Variants in PAG1 observed in about 807,000 individuals in gnomAD.
PAG1 encodes phosphoprotein membrane anchor with glycosphingolipid microdomains 1.
PAG1 carries 23 observed loss-of-function variants against 31.7 expected under a neutral mutation model. The observed-to-expected ratio is 0.73, with a 90% CI of 0.52 to 1.03. The LOEUF (loss-of-function observed/expected upper bound fraction) is 1.03, where lower values mean the gene tolerates loss of function less well. Ranked by LOEUF, PAG1 falls within the 50% of genes least tolerant of loss-of-function variation. PAG1 has a pLI of 0.00. For missense variants in PAG1, 473 were observed against 540.7 expected (o/e 0.87, Z 1.24); for synonymous variants, 214 against 210.3 (o/e 1.02, Z -0.15).
chr8:81,042,945 G>A (rs1307588971), intron 2 of PAG1, among the ~76,000 whole-genome samples: 1 of 152,144 alleles, frequency 6.6e-6, no homozygotes, highest in Non-Finnish European at 1.5e-5. Flanking sequence ...TTCTTATGCT[G>A]ATGGGCTCCA....
chr8:80,969,345 C>T lies in PAG1; in HGVS notation c.*7199G>A, dbSNP rs2130252457. The T allele has an allele frequency of 6.6e-6, 1 of 152,276 alleles. No individual in the cohort carries two copies. The highest frequency in any genetic ancestry group is 2.4e-5 in the African/African-American group (1 of 41,558). The allele number at this position is 152,276 out of a possible 1,614,324, so 9.4% of individuals were successfully genotyped here. On this transcript the variant is annotated 3_prime_UTR_variant, in exon 9 of 9. Coordinates refer to ENST00000220597, the MANE Select transcript of PAG1 (RefSeq NM_018440.4). ...AGCTTGTCAAAGGAATGCTCAAAAT[C>T]CTCAACCCATAGACTCAGGCTTTTG... is the stretch of plus-strand genomic sequence containing the variant.
At chr8:81,062,740 G>A (rs1340660024) in intron 2 of PAG1, among the ~76,000 whole-genome samples, 3 of 152,056 alleles carry the variant, frequency 2.0e-5, no homozygotes, top group Non-Finnish European at 4.4e-5. Flanking sequence ...GCCCAGGCTG[G>A]AGTACATAGT....
At chr8:81,110,362 G>A (rs1809754810) in intron 1 of PAG1, among the ~76,000 whole-genome samples, 1 of 152,320 alleles carries the variant, frequency 6.6e-6, no homozygotes, top group Admixed American at 6.5e-5. Context: ...TCACACAGCA[G>A]TACTGCATGG....
intron 1 of PAG1, among the ~76,000 whole-genome samples, chr8:81,088,304 C>G (rs1476779588): frequency 6.6e-6 from 1 of 152,148 alleles, no homozygotes; most frequent in Admixed American, 6.5e-5. Context: ...AAGTCCATTA[C>G]CCTTCAAAAG....
intron 2 of PAG1, among the ~76,000 whole-genome samples, chr8:81,059,168 T>C (rs1808876843): frequency 6.6e-6 from 1 of 152,130 alleles, no homozygotes; most frequent in Admixed American, 6.6e-5. Flanking sequence ...AGATTACTTA[T>C]AATACTTAAT....
chr8:81,046,534 A>G (rs1301448259), intron 2 of PAG1, among the ~76,000 whole-genome samples: 6 of 152,192 alleles, frequency 3.9e-5, no homozygotes, highest in Non-Finnish European at 8.8e-5. Flanking sequence ...GACCTATAGC[A>G]AAGTTTCATA....
At chr8:81,073,131 G>A (rs888719966) in intron 1 of PAG1, among the ~76,000 whole-genome samples, 2 of 152,146 alleles carry the variant, frequency 1.3e-5, no homozygotes, top group Non-Finnish European at 2.9e-5. Context: ...CTGCCAACTT[G>A]TCCTGTGGTT....
At chr8:81,094,527 T>C (rs1368282239) in intron 1 of PAG1, among the ~76,000 whole-genome samples, 1 of 152,150 alleles carries the variant, frequency 6.6e-6, no homozygotes, top group African/African-American at 2.4e-5. Context: ...CTATGGGTGA[T>C]AAAATTATGC....
In PAG1 at chr8:81,079,775, A is replaced by AT. The variant is rs757614928; in HGVS notation, c.-233-9606dup. 3.3e-4 allele frequency among the ~76,000 whole-genome samples: 50 copies of AT among 151,724 alleles called. 2 individuals carry two copies. Among genetic ancestry groups the AT allele is most frequent in the African/African-American group, 9.0e-4 (37 of 41,218 alleles). ...CAAAATCAATTTATTTCATTTATTT[A>AT]TTTATTTTTTTGAGACAGGGTCTCG... On this transcript the variant is annotated intron_variant, in intron 1 of 8. Transcript: ENST00000220597.
chr8:81,032,922 T>C (rs562546490), intron 2 of PAG1, among the ~76,000 whole-genome samples: 2 of 152,324 alleles, frequency 1.3e-5, no homozygotes, highest in South Asian at 2.1e-4. Context: ...TGTTACAACA[T>C]GGATGAACCT....
chr8:81,033,336 T>C (rs942881172), intron 2 of PAG1, among the ~76,000 whole-genome samples: 8 of 152,316 alleles, frequency 5.3e-5, no homozygotes, highest in Admixed American at 5.2e-4. Flanking sequence ...TTGAGTATAA[T>C]TCTGATAGAC....
intron 3 of PAG1, among the ~76,000 whole-genome samples, chr8:81,007,117 CAG>C (rs1433320063): frequency 1.3e-5 from 2 of 152,050 alleles, no homozygotes; most frequent in Non-Finnish European, 1.5e-5. Context: ...AGGCATTCAA[CAG>C]AGAGGCAGAG....
chr8:80,976,773 T>C lies in PAG1; in HGVS notation c.1070A>G (p.Asp357Gly), dbSNP rs750664829. The part of the protein sequence containing the change: ...DPQRSPSSCN[D>G]LYATVKDFEK... Reference sequence around the variant, plus strand: ...GAAGTCTTTAACAGTAGCATAGAGATCATTACAGGAGGAGGGTGACCTCTG... The same window carrying C: ...GAAGTCTTTAACAGTAGCATAGAGACCATTACAGGAGGAGGGTGACCTCTG... The change falls in exon 9 of 9, where the codon GAT becomes GGT. Residue 357 changes from aspartate (D) to glycine (G), a missense_variant. Coordinates refer to ENST00000220597, the MANE Select transcript of PAG1 (RefSeq NM_018440.4). 1 of 1,614,178 alleles carries C rather than the reference T, an allele frequency of 6.2e-7. No homozygotes were observed. Among genetic ancestry groups the C allele is most frequent in the South Asian group, 1.1e-5 (1 of 91,086 alleles).
intron 3 of PAG1, 75 bp from the exon 4 acceptor site, chr8:80,993,382 G>C: frequency 2.8e-6 from 2 of 719,062 alleles, no homozygotes; most frequent in Non-Finnish European, 4.4e-6. Flanking sequence ...TCCCTGTCAG[G>C]AGCAAGACCT....
At chr8:81,034,951 A>G (rs988616564) in intron 2 of PAG1, among the ~76,000 whole-genome samples, 1 of 152,146 alleles carries the variant, frequency 6.6e-6, no homozygotes, top group African/African-American at 2.4e-5. Flanking sequence ...ACAAAGCCCA[A>G]CCTGGGAGGG....
intron 3 of PAG1, among the ~76,000 whole-genome samples, chr8:81,014,946 G>A (rs771909384): frequency 7.2e-5 from 11 of 152,164 alleles, no homozygotes; most frequent in Non-Finnish European, 1.2e-4. Flanking sequence ...CAGAGCGCAA[G>A]AACCATCTGA....
At chr8:81,059,042 C>A (rs1038339323) in intron 2 of PAG1, among the ~76,000 whole-genome samples, 1 of 151,952 alleles carries the variant, frequency 6.6e-6, no homozygotes, top group Non-Finnish European at 1.5e-5. Flanking sequence ...GGTTCCAGAA[C>A]CCCCCTCAGA....
At position 80,985,295 on chromosome 8, in the gene PAG1, CTGGGAAT is replaced by C; in HGVS notation, c.350_356del (p.Asp117GlyfsTer66). On this transcript the variant is annotated frameshift_variant, in exon 7 of 9. Coordinates refer to ENST00000220597, the MANE Select transcript of PAG1 (RefSeq NM_018440.4). LOFTEE classifies it high-confidence loss of function. ...GACATTTTGGTTTCCCTGTGCTGTC[CTGGGAAT>C]CCAGCAGATCCGAGGCCGATGTCTG... The C allele has an allele frequency of 6.2e-7, 1 of 1,614,156 alleles. No individual in the cohort carries two copies. Among genetic ancestry groups the C allele is most frequent in the South Asian group, 1.1e-5 (1 of 91,084 alleles).
At chr8:81,026,194 T>G (rs531815844) in intron 3 of PAG1, among the ~76,000 whole-genome samples, 1 of 151,744 alleles carries the variant, frequency 6.6e-6, no homozygotes, top group South Asian at 2.1e-4. Flanking sequence ...ACAATATGAG[T>G]GTTTGTTAAA....
Sources: allele counts gnomAD v4.1 joint callset (sites outside exome capture counted in the v4.1 genomes callset), GRCh38; gene constraint gnomAD v4.1.1; transcripts MANE v1.5; gene names NCBI Gene and HGNC (gene_info 2026-07-23, HGNC 2026-07-21).